CDK13: variants seen among roughly 807,000 people sequenced by gnomAD.
CDK13 encodes the protein cyclin dependent kinase 13.
CDK13 carries 40 observed loss-of-function variants against 137.6 expected under a neutral mutation model. The observed-to-expected ratio is 0.29, with a 90% CI of 0.23 to 0.38. The LOEUF is 0.38. Ranked by LOEUF, CDK13 falls within the 10% of genes least tolerant of loss-of-function variation. The pLI is 1.00. For missense variants in CDK13, 1,704 were observed against 1,951.8 expected, an observed-to-expected ratio of 0.87 and a Z score of 2.39; for synonymous variants, 869 against 760.1, an observed-to-expected ratio of 1.14 and a Z score of -2.36.
rs191019291 is a variant in CDK13 at position 40,004,558 on chromosome 7, A to G, written c.2353+2527A>G. 2.4e-3 allele frequency among the ~76,000 whole-genome samples: 366 copies of G among 152,318 alleles called. 1 individual carries two copies. The highest frequency in any genetic ancestry group is 3.9e-3 in the Non-Finnish European group (266 of 68,028). On this transcript the variant is annotated intron_variant, in intron 5 of 13. Transcript: ENST00000181839. ...GATGAAGCAACATGATTTTCCGAAA[A>G]GGGAACTAGATTTGAAGTCTAATCC...
intron 5 of CDK13, among the ~76,000 whole-genome samples, chr7:40,024,524 C>G (rs1327507497): frequency 6.6e-6 from 1 of 151,814 alleles, no homozygotes; most frequent in African/African-American, 2.4e-5. Flanking sequence ...CTTAAAAATT[C>G]TACCTTTTCT....
At chr7:40,087,978 G>C in intron 11 of CDK13, 148 bp from the exon 12 acceptor site, 1 of 625,140 alleles carries the variant, frequency 1.6e-6, no homozygotes, top group South Asian at 2.2e-5. Flanking sequence ...CAATAAGGAT[G>C]ATTTTTATTG....
In CDK13 at chr7:40,094,117, C is replaced by T. The variant is rs1186126562; in HGVS notation, c.3689-13C>T. ...GGTAACTTTTGACCTTGTTTTTGCT[C>T]TGTTTCACTTAGGACAAGATGACCT... is the stretch of plus-strand genomic sequence containing the variant. On this transcript the variant is annotated splice_polypyrimidine_tract_variant and intron_variant, in intron 13 of 13. Transcript: ENST00000181839. 1.9e-6 allele frequency: 3 copies of T among 1,608,114 alleles called. No homozygotes were observed. Among genetic ancestry groups the T allele is most frequent in the East Asian group, 4.5e-5 (2 of 44,782 alleles).
chr7:39,980,511 A>C (rs535199686), intron 1 of CDK13, among the ~76,000 whole-genome samples: 1 of 152,318 alleles, frequency 6.6e-6, no homozygotes, highest in Admixed American at 6.5e-5. Flanking sequence ...TTTGGGAGTC[A>C]TATTCATACC....
intron 5 of CDK13, among the ~76,000 whole-genome samples, chr7:40,005,109 G>C (rs932439799): frequency 4.6e-5 from 7 of 151,628 alleles, no homozygotes; most frequent in Non-Finnish European, 1.0e-4. Context: ...GGGAGGTGGA[G>C]GTTGCAGTGA....
intron 13 of CDK13, 117 bp downstream of exon 13, chr7:40,093,354 C>G: frequency 1.2e-6 from 1 of 815,192 alleles, no homozygotes; most frequent in African/African-American, 1.7e-5. Context: ...CCTGAAGAAT[C>G]TCAGGTAACT....
rs1784380605 is a variant in CDK13, at chr7:39,988,144, C to G, written c.1757C>G (p.Pro586Arg). Residue 586 changes from proline to arginine, a missense_variant, in exon 2 of 14, where the codon CCA becomes CGA. Transcript: ENST00000181839. ...GTATCTCTTAAAGAGAAAACCAAAC[C>G]ACTTACACCAAGCATAGGAGCCAAG... ...ESVSLKEKTK[P>R]LTPSIGAKEK... 6.2e-7 allele frequency: 1 copy of G among 1,613,954 alleles called. No homozygotes were observed. The highest frequency in any genetic ancestry group is 8.5e-7 in the Non-Finnish European group (1 of 1,179,970).
chr7:40,066,612 C>T (rs1786285510), intron 9 of CDK13: 1 of 152,150 alleles, frequency 6.6e-6, no homozygotes, highest in Non-Finnish European at 1.5e-5. Context: ...TAGGGATGGA[C>T]AAGTAATTGT....
chr7:40,082,528 G>T (rs1464012500), intron 11 of CDK13, among the ~76,000 whole-genome samples: 1 of 147,570 alleles, frequency 6.8e-6, no homozygotes, highest in Non-Finnish European at 1.5e-5. Flanking sequence ...TAAAGGACGG[G>T]CACAATGGCT....
At chr7:40,060,066 TTAA>T (rs1786107552) in intron 7 of CDK13, among the ~76,000 whole-genome samples, 1 of 152,200 alleles carries the variant, frequency 6.6e-6, no homozygotes, top group African/African-American at 2.4e-5. Flanking sequence ...CACGTCTGAA[TTAA>T]TAAAACATTA....
chr7:39,962,322 A>G (rs376813791), intron 1 of CDK13, among the ~76,000 whole-genome samples: 1 of 152,062 alleles, frequency 6.6e-6, no homozygotes, highest in Non-Finnish European at 1.5e-5. Context: ...TTTAATGATC[A>G]CCATTCTAAC....
In CDK13 at chr7:39,950,898, C is replaced by T. The variant is rs1299388344; in HGVS notation, c.257C>T (p.Pro86Leu). The change falls in exon 1 of 14, where the codon CCT becomes CTT. Residue 86 changes from proline to leucine, a missense_variant. Physicochemically the swap from Pro to Leu is moderately conservative, Grantham distance 98 (BLOSUM62 -3). Around this residue, in one of 5 missense-constraint regions of CDK13, gnomAD observed 1,051 missense variants for 931.0 expected, o/e 1.13. Coordinates refer to ENST00000181839, the MANE Select transcript of CDK13 (RefSeq NM_003718.5). The part of the protein sequence containing the change: ...ASSSCFSPGP[P>L]LEVKRLARGK... ...TCCTCTTGCTTCAGCCCGGGCCCCCCTCTGGAGGTCAAGCGGCTGGCGAGA... is the reference window on the plus strand; with the variant it reads ...TCCTCTTGCTTCAGCCCGGGCCCCCTTCTGGAGGTCAAGCGGCTGGCGAGA... The T allele has an allele frequency of 7.5e-7, 1 of 1,340,684 alleles. No individual in the cohort carries two copies. Among genetic ancestry groups the T allele is most frequent in the Non-Finnish European group, 9.5e-7 (1 of 1,054,904 alleles). The allele number at this position is 1,340,684 out of a possible 1,614,324, so 83.0% of individuals were successfully genotyped here.
intron 9 of CDK13, among the ~76,000 whole-genome samples, chr7:40,065,712 A>G (rs534238388): frequency 6.6e-6 from 1 of 152,318 alleles, no homozygotes; most frequent in South Asian, 2.1e-4. Flanking sequence ...AAAGCAAATT[A>G]ATTAAGCATT....
rs1218195046 is a variant in CDK13, at chr7:40,095,796, G to C, written c.*816G>C. On this transcript the variant is annotated 3_prime_UTR_variant, in exon 14 of 14. Transcript: ENST00000181839. ...TGAAGTTTCAGGGGCTGCCTGTTCA[G>C]TTCCTGTTAGGTCCATTCCCTCTGC... 1 of 152,178 alleles carries C rather than the reference G, an allele frequency of 6.6e-6. No individual in the cohort carries two copies. Among genetic ancestry groups the C allele is most frequent in the African/African-American group, 2.4e-5 (1 of 41,432 alleles). 9.4% of individuals were successfully genotyped at this position (152,178 alleles called of 1,614,324 possible).
At chr7:40,075,926 A>G (rs1349289995) in intron 9 of CDK13, among the ~76,000 whole-genome samples, 2 of 152,056 alleles carry the variant, frequency 1.3e-5, no homozygotes, top group Non-Finnish European at 2.9e-5. Flanking sequence ...CCCTACACTG[A>G]TTTACATAGT....
At chr7:40,013,983 C>A (rs1784950172) in intron 5 of CDK13, among the ~76,000 whole-genome samples, 2 of 146,998 alleles carry the variant, frequency 1.4e-5, no homozygotes, top group South Asian at 4.3e-4. Context: ...TAATACAGTG[C>A]TTATTGTACA....
In CDK13 at chr7:40,003,184, ACACACACACACACACACACACACTCT is replaced by A. The variant is rs1386681676; in HGVS notation, c.2353+1155_2353+1180del. ...CACACACACACACACACACACACACACACACACACACACACACACACACTCTCTCTCTCTCTCTCTCTTACTCTGTT... is the reference window on the plus strand; with the variant it reads ...CACACACACACACACACACACACACACTCTCTCTCTCTCTCTTACTCTGTT... On this transcript the variant is annotated intron_variant, in intron 5 of 13. Coordinates refer to ENST00000181839, the MANE Select transcript of CDK13 (RefSeq NM_003718.5). Among the ~76,000 whole-genome samples, 368 of 96,246 alleles carry A rather than the reference ACACACACACACACACACACACACTCT, an allele frequency of 3.8e-3. 3 individuals carry two copies. The highest frequency in any genetic ancestry group is 0.013 in the African/African-American group (347 of 26,394). 63.1% of individuals were successfully genotyped at this position (96,246 alleles called of 152,430 possible).
chr7:39,965,755 C>T (rs117117616), intron 1 of CDK13, among the ~76,000 whole-genome samples: 46,631 of 151,692 alleles, frequency 0.31, 7,674 homozygotes, highest in Middle Eastern at 0.47. Flanking sequence ...GTGGCTCTTA[C>T]CGGTTGTTCC....
chr7:40,051,261 CTCT>C (rs1390612841), intron 7 of CDK13, among the ~76,000 whole-genome samples: 10 of 147,794 alleles, frequency 6.8e-5, no homozygotes, highest in Non-Finnish European at 1.3e-4. Flanking sequence ...TTTAAAACTT[CTCT>C]TTTTTTTTTT....
Sources: gnomAD v4.1 joint callset for allele counts (sites outside exome capture counted in the v4.1 genomes callset) on GRCh38, gnomAD v4.1.1 for gene constraint, gnomAD v4.1.1 regional missense constraint, MANE v1.5 for transcripts, NCBI Gene and HGNC (gene_info 2026-07-23, HGNC 2026-07-21) for gene names.